TMCC1: variants seen among roughly 807,000 people sequenced by gnomAD.
The protein encoded by TMCC1 is transmembrane and coiled-coil domains protein 1.
In TMCC1, 15 loss-of-function variants were observed where a neutral mutation model predicts 52.4. The ratio of observed to expected loss-of-function variants is 0.29; its 90% CI spans 0.19 to 0.44. TMCC1 has a LOEUF of 0.44. Among genes scored for constraint, TMCC1 ranks in the 20% least tolerant of loss-of-function variants. The pLI, the probability that TMCC1 is intolerant of heterozygous loss-of-function variation, is 1.00. For synonymous variants in TMCC1, 279 were observed against 301.9 expected (o/e 0.92, Z 0.79); for missense variants, 503 against 806.0 (o/e 0.62, Z 4.55).
chr3:129,842,839 T>G (rs971585216), intron 2 of TMCC1, among the ~76,000 whole-genome samples: 6 of 152,150 alleles, frequency 3.9e-5, no homozygotes, highest in African/African-American at 1.4e-4. Context: ...TAAAAATATT[T>G]GCAAGTATAG....
At chr3:129,664,317 A>G (rs574168570) in intron 5 of TMCC1, among the ~76,000 whole-genome samples, 1 of 152,344 alleles carries the variant, frequency 6.6e-6, no homozygotes, top group African/African-American at 2.4e-5. Flanking sequence ...CTGAGCATAC[A>G]TCATTGGGTT....
At chr3:129,866,415 T>C (rs2060653793) in intron 2 of TMCC1, among the ~76,000 whole-genome samples, 1 of 145,578 alleles carries the variant, frequency 6.9e-6, no homozygotes, top group Non-Finnish European at 1.5e-5. Context: ...TTCGCTCTTG[T>C]TGCCCAGGCT....
At chr3:129,835,788 G>A (rs542234347) in intron 2 of TMCC1, among the ~76,000 whole-genome samples, 1 of 152,106 alleles carries the variant, frequency 6.6e-6, no homozygotes, top group Non-Finnish European at 1.5e-5. Context: ...TGTTACTCCA[G>A]AGGGAAAACA....
At chr3:129,717,253 T>C (rs1230735286) in intron 4 of TMCC1, among the ~76,000 whole-genome samples, 1 of 152,184 alleles carries the variant, frequency 6.6e-6, no homozygotes, top group African/African-American at 2.4e-5. Context: ...CATCTCCAAA[T>C]TACTAAATCC....
chr3:129,803,898 TA>T (rs1408791712), intron 4 of TMCC1, among the ~76,000 whole-genome samples: 1 of 152,142 alleles, frequency 6.6e-6, no homozygotes, highest in Non-Finnish European at 1.5e-5. Flanking sequence ...CTTAGCATCT[TA>T]AAAAGGACAA....
Position 129,650,334 on chromosome 3 carries a change from C to G in TMCC1, c.*1147G>C, listed in dbSNP as rs2086248357. On this transcript the variant is annotated 3_prime_UTR_variant, in exon 7 of 7. Transcript: ENST00000393238. Reference sequence around the variant, plus strand: ...TACACTGGTTTTTGGAAACAGCCTCCTGCTCTCCTTGCACAACCCTTTCCT... The same window carrying G: ...TACACTGGTTTTTGGAAACAGCCTCGTGCTCTCCTTGCACAACCCTTTCCT... The G allele has an allele frequency of 6.6e-6, 1 of 151,852 alleles. No homozygotes were observed. Among genetic ancestry groups the G allele is most frequent in the Admixed American group, 6.6e-5 (1 of 15,216 alleles). The allele number at this position is 151,852 out of a possible 1,614,324, so 9.4% of individuals were successfully genotyped here.
chr3:129,739,439 T>C (rs1250416926), intron 4 of TMCC1, among the ~76,000 whole-genome samples: 5 of 152,172 alleles, frequency 3.3e-5, no homozygotes, highest in African/African-American at 1.2e-4. Flanking sequence ...AGTGCTGAGA[T>C]TGCGTGAGCC....
chr3:129,655,046 G>T lies in TMCC1; in HGVS notation c.1569C>A (p.Ile523=). The T allele has an allele frequency of 6.2e-7, 1 of 1,614,036 alleles. No individual in the cohort carries two copies. The change falls in exon 6 of 7, where the codon ATC becomes ATA. Residue 523 remains isoleucine (I), a synonymous_variant. Transcript: ENST00000393238. ...TTGCCAGTTCCTGCTTCAAGTTCAA[G>T]ATTTCATTCTGGTGGAGCTCTGTTA... ...NDLTELHQNE[I]LNLKQELASM...
intron 4 of TMCC1, among the ~76,000 whole-genome samples, chr3:129,696,066 G>C (rs1303992733): frequency 6.6e-6 from 1 of 152,174 alleles, no homozygotes; most frequent in African/African-American, 2.4e-5. Flanking sequence ...CATCTGTAAA[G>C]AATCTCTATT....
intron 4 of TMCC1, among the ~76,000 whole-genome samples, chr3:129,746,382 T>C (rs1221828835): frequency 6.6e-6 from 1 of 151,714 alleles, no homozygotes; most frequent in Non-Finnish European, 1.5e-5. Context: ...GGTTTCACCA[T>C]GTTGGCCAGG....
intron 4 of TMCC1, among the ~76,000 whole-genome samples, chr3:129,715,138 G>C (rs1434067184): frequency 6.6e-6 from 1 of 152,048 alleles, no homozygotes; most frequent in East Asian, 1.9e-4. Flanking sequence ...CTCTTACACA[G>C]GAGCTAGGAC....
intron 2 of TMCC1, among the ~76,000 whole-genome samples, chr3:129,859,845 T>C (rs2060307233): frequency 6.6e-6 from 1 of 152,144 alleles, no homozygotes; most frequent in Non-Finnish European, 1.5e-5. Context: ...CCTGACATGG[T>C]GCTCAATAAA....
intron 4 of TMCC1, among the ~76,000 whole-genome samples, chr3:129,812,544 A>C (rs934825716): frequency 1.5e-4 from 23 of 152,066 alleles, no homozygotes; most frequent in African/African-American, 5.5e-4. Context: ...AGAAGCTATA[A>C]ATTTATTGCT....
chr3:129,681,777 G>A (rs1446667372), intron 4 of TMCC1, among the ~76,000 whole-genome samples: 1 of 151,910 alleles, frequency 6.6e-6, no homozygotes, highest in African/African-American at 2.4e-5. Flanking sequence ...GCATGGTGGT[G>A]CACACCTGTA....
At chr3:129,859,651 TACACACAC>T (rs59213877) in intron 2 of TMCC1, among the ~76,000 whole-genome samples, 38,987 of 148,618 alleles carry the variant, frequency 0.26, 7,651 homozygotes, top group East Asian at 0.57. Context: ...CACACACACA[TACACACAC>T]ACACACACAC....
chr3:129,746,407 T>C (rs2051975937), intron 4 of TMCC1, among the ~76,000 whole-genome samples: 1 of 150,250 alleles, frequency 6.7e-6, no homozygotes, highest in Non-Finnish European at 1.5e-5. Context: ...TCTTGATCTC[T>C]TGACCTCGTG....
chr3:129,893,305 AG>A (rs1446529095), intron 1 of TMCC1, 188 bp downstream of exon 1: 1 of 152,348 alleles, frequency 6.6e-6, no homozygotes, highest in African/African-American at 2.4e-5. Flanking sequence ...GTCGAGTCCT[AG>A]GCCCGGGGCT....
At chr3:129,702,243 C>A (rs964006997) in intron 4 of TMCC1, among the ~76,000 whole-genome samples, 13 of 147,620 alleles carry the variant, frequency 8.8e-5, no homozygotes, top group Admixed American at 6.6e-5. Context: ...CTACTGGTCC[C>A]CAATTGTTTT....
chr3:129,665,439 GA>G (rs1560140969), intron 5 of TMCC1, among the ~76,000 whole-genome samples: 1 of 152,224 alleles, frequency 6.6e-6, no homozygotes, highest in African/African-American at 2.4e-5. Context: ...GGGATTCTGA[GA>G]AGGGGAAATA....
Sources: allele counts gnomAD v4.1 joint callset (sites outside exome capture counted in the v4.1 genomes callset), GRCh38; gene constraint gnomAD v4.1.1; transcripts MANE v1.5; gene names NCBI Gene and HGNC (gene_info 2026-07-23, HGNC 2026-07-21).